The following GPBP1L1 variants were observed in gnomAD, a reference collection of about 807,000 sequenced individuals.
The protein encoded by GPBP1L1 is vasculin-like protein 1.
Under a neutral mutation model 52.5 loss-of-function variants are expected in GPBP1L1, and 23 were observed. The ratio of observed to expected loss-of-function variants is 0.44; its 90% CI spans 0.32 to 0.62. The LOEUF is 0.62. GPBP1L1 is among the 20% of genes least tolerant of loss of function. The pLI, the probability that GPBP1L1 is intolerant of heterozygous loss-of-function variation, is 0.06. For missense variants in GPBP1L1, 596 were observed against 579.3 expected, an observed-to-expected ratio of 1.03 and a Z score of -0.30; for synonymous variants, 243 against 203.1, an observed-to-expected ratio of 1.20 and a Z score of -1.67.
intron 2 of GPBP1L1, among the ~76,000 whole-genome samples, chr1:45,684,162 A>T (rs1458224592): frequency 6.7e-6 from 1 of 148,920 alleles, no homozygotes. Flanking sequence ...GGAGGCTGAG[A>T]CAGGTGAATC....
chr1:45,648,301 C>T (rs1466591000), intron 6 of GPBP1L1, among the ~76,000 whole-genome samples: 1 of 152,174 alleles, frequency 6.6e-6, no homozygotes, highest in Non-Finnish European at 1.5e-5. Context: ...TCCTTCATTA[C>T]TCCAATCTTG....
intron 2 of GPBP1L1, among the ~76,000 whole-genome samples, chr1:45,679,694 C>T (rs1175028199): frequency 6.6e-6 from 1 of 152,024 alleles, no homozygotes; most frequent in East Asian, 1.9e-4. Context: ...GCCAGTCTAG[C>T]CATTTGGAAT....
chr1:45,653,146 G>A (rs1338814119), intron 6 of GPBP1L1, among the ~76,000 whole-genome samples: 1 of 152,110 alleles, frequency 6.6e-6, no homozygotes, highest in Non-Finnish European at 1.5e-5. Context: ...TAGACTTGAG[G>A]GTAGAGGAGC....
chr1:45,679,082 C>G (rs921604595), intron 2 of GPBP1L1, among the ~76,000 whole-genome samples: 1 of 152,080 alleles, frequency 6.6e-6, no homozygotes, highest in African/African-American at 2.4e-5. Context: ...AAGAATGACA[C>G]GGAGAGTTTT....
At chr1:45,643,658 C>CTTTTTTTTTTTT (rs113388167) in intron 6 of GPBP1L1, among the ~76,000 whole-genome samples, 7 of 65,142 alleles carry the variant, frequency 1.1e-4, no homozygotes, top group African/African-American at 4.5e-4. Context: ...AGGAGAATGG[C>CTTTTTTTTTTTT]TTTTTTTTTT....
Position 45,628,137 on chromosome 1 carries a change from A to G in GPBP1L1, c.*119T>C, listed in dbSNP as rs1323042516. 1 of 978,804 alleles carries G rather than the reference A, an allele frequency of 1.0e-6. No homozygotes were observed. The highest frequency in any genetic ancestry group is 1.5e-6 in the Non-Finnish European group (1 of 649,392). The allele number at this position is 978,804 out of a possible 1,614,324, so 60.6% of individuals were successfully genotyped here. On this transcript the variant is annotated 3_prime_UTR_variant, in exon 13 of 13. Coordinates refer to ENST00000355105, the MANE Select transcript of GPBP1L1 (RefSeq NM_021639.5). ...ATTGCTCTCTCTTTGGGATATGATTATTTCCCTTGTGAATGAAGTATTCAA... is the reference window on the plus strand; with the variant it reads ...ATTGCTCTCTCTTTGGGATATGATTGTTTCCCTTGTGAATGAAGTATTCAA...
intron 6 of GPBP1L1, among the ~76,000 whole-genome samples, chr1:45,647,659 T>A (rs1412388657): frequency 6.6e-6 from 1 of 152,178 alleles, no homozygotes; most frequent in East Asian, 1.9e-4. Flanking sequence ...TTCTGACATA[T>A]AAGTGAGCTC....
At chr1:45,660,071 A>C in intron 3 of GPBP1L1, 113 bp downstream of exon 3, 2 of 569,096 alleles carry the variant, frequency 3.5e-6, no homozygotes, top group Non-Finnish European at 4.4e-6. Context: ...GGTGTCTTCA[A>C]ACCACCCCAC....
rs1644937657 is a variant in GPBP1L1, at chr1:45,660,667, A to AT, written c.-540dup. 1.9e-6 allele frequency: 1 copy of AT among 524,532 alleles called. No individual in the cohort carries two copies. Among genetic ancestry groups the AT allele is most frequent in the Admixed American group, 6.4e-5 (1 of 15,694 alleles). 32.5% of individuals were successfully genotyped at this position (524,532 alleles called of 1,614,324 possible). On this transcript the variant is annotated 5_prime_UTR_variant, in exon 3 of 13. The change abolishes the stop of an existing upstream ORF in the 5' untranslated region. Transcript: ENST00000355105. ...AATAGATCAAAAATATTAAAGCCCT[A>AT]TAAAAGATCTGAGCAGTCAACTCCA...
At chr1:45,666,095 G>A (rs1161960190) in intron 2 of GPBP1L1, among the ~76,000 whole-genome samples, 2 of 151,646 alleles carry the variant, frequency 1.3e-5, no homozygotes, top group African/African-American at 4.8e-5. Context: ...ACTCTGTCTG[G>A]AAGTAATCCC....
intron 6 of GPBP1L1, 117 bp from the exon 7 acceptor site, chr1:45,642,616 CACTT>C (rs1644688390): frequency 4.2e-6 from 3 of 718,952 alleles, no homozygotes; most frequent in Non-Finnish European, 7.4e-6. Flanking sequence ...ATATTAGCAA[CACTT>C]ACTAATTTGA....
Position 45,642,492 on chromosome 1 carries a change from A to C in GPBP1L1, c.485T>G (p.Leu162Trp). 1 of 1,613,896 alleles carries C rather than the reference A, an allele frequency of 6.2e-7. No individual in the cohort carries two copies. The highest frequency in any genetic ancestry group is 8.5e-7 in the Non-Finnish European group (1 of 1,179,746). The stretch of plus-strand genomic sequence containing the variant: ...ATGCTGTTTGCCAGCTTCTGGATTC[A>C]AGGAAGGCTAGGAAAAAAGGGATAT... ...LQFEEEDFPS[L>W]NPEAGKQHQP... The change falls in exon 7 of 13, where the codon TTG becomes TGG. Residue 162 changes from leucine to tryptophan, a missense_variant. By Grantham distance (61) the Leu-to-Trp change is moderately conservative (BLOSUM62 -2). Transcript: ENST00000355105.
chr1:45,629,455 C>CTCT, intron 12 of GPBP1L1, 121 bp downstream of exon 12: 1 of 48,054 alleles, frequency 2.1e-5, no homozygotes, highest in East Asian at 5.2e-4. Context: ...CTAAGGTAAT[C>CTCT]CCCCCCCCCC....
intron 2 of GPBP1L1, among the ~76,000 whole-genome samples, chr1:45,671,353 G>A (rs1645072287): frequency 6.6e-6 from 1 of 151,946 alleles, no homozygotes; most frequent in South Asian, 2.1e-4. Flanking sequence ...GGGATTACAG[G>A]CATGTGCCAC....
At chr1:45,674,692 T>G (rs1042891183) in intron 2 of GPBP1L1, among the ~76,000 whole-genome samples, 3 of 152,214 alleles carry the variant, frequency 2.0e-5, no homozygotes, top group African/African-American at 7.2e-5. Context: ...TCACAAGGGT[T>G]AGACAACAGT....
At chr1:45,684,032 C>T (rs995682109) in intron 2 of GPBP1L1, among the ~76,000 whole-genome samples, 45 of 151,790 alleles carry the variant, frequency 3.0e-4, no homozygotes, top group African/African-American at 1.0e-3. Context: ...CCAAGGCAGG[C>T]GGATCACCTG....
chr1:45,639,556 G>A (rs1644641639), intron 8 of GPBP1L1, among the ~76,000 whole-genome samples: 1 of 139,740 alleles, frequency 7.2e-6, no homozygotes, highest in African/African-American at 2.7e-5. Flanking sequence ...ATGAGATTCT[G>A]TCTCTACAAA....
At chr1:45,672,870 G>A (rs554953866) in intron 2 of GPBP1L1, among the ~76,000 whole-genome samples, 1 of 152,342 alleles carries the variant, frequency 6.6e-6, no homozygotes, top group South Asian at 2.1e-4. Context: ...TCACATGGAA[G>A]TGTCAGTGAT....
intron 2 of GPBP1L1, among the ~76,000 whole-genome samples, chr1:45,669,202 G>A (rs1439440118): frequency 6.6e-6 from 1 of 152,176 alleles, no homozygotes; most frequent in Non-Finnish European, 1.5e-5. Context: ...GTCTCACTCT[G>A]TTGCCCAGAC....
Sources: allele counts gnomAD v4.1 joint callset (sites outside exome capture counted in the v4.1 genomes callset), GRCh38; gene constraint gnomAD v4.1.1; transcripts MANE v1.5; gene names NCBI Gene and HGNC (gene_info 2026-07-23, HGNC 2026-07-21).